SBSN: variants seen among roughly 807,000 people sequenced by gnomAD.
SBSN encodes suprabasin.
In SBSN, 33 loss-of-function variants were observed where a neutral mutation model predicts 42.8. The ratio of observed to expected loss-of-function variants is 0.77; its 90% CI spans 0.58 to 1.03. The LOEUF (loss-of-function observed/expected upper bound fraction) is 1.03, where lower values mean the gene tolerates loss of function less well. Ranked by LOEUF, SBSN falls within the 50% of genes least tolerant of loss-of-function variation. The pLI is 0.00. For missense variants in SBSN, 646 were observed against 757.3 expected, an observed-to-expected ratio of 0.85 and a Z score of 1.72; for synonymous variants, 276 against 307.0, an observed-to-expected ratio of 0.90 and a Z score of 1.06.
In SBSN at chr19:35,527,513, C is replaced by A. The variant is rs754321251; in HGVS notation, c.769G>T (p.Ala257Ser). The change falls in exon 1 of 4, where the codon GCA becomes TCA. Residue 257 changes from alanine to serine, a missense_variant. This residue lies in a region of SBSN where 220 missense variants were observed against 334.5 expected (regional missense o/e 0.66). Transcript: ENST00000452271. ...TGGACCCCCTGGCCAAATCTCCCTG[C>A]CTCATTTCCGGCCTGCCCCGCAGCA... is the stretch of plus-strand genomic sequence containing the variant. ...HHAAGQAGNE[A>S]GRFGQGVHHG... 2 of 1,530,822 alleles carry A rather than the reference C, an allele frequency of 1.3e-6. No individual in the cohort carries two copies. The highest frequency in any genetic ancestry group is 1.2e-5 in the South Asian group (1 of 82,730). 94.8% of individuals were successfully genotyped at this position (1,530,822 alleles called of 1,614,324 possible). A position where few individuals can be genotyped will look rare whatever the true frequency, so the allele number is the denominator to read the frequency against.
chr19:35,526,538 A>C, intron 1 of SBSN, 106 bp downstream of exon 1: 1 of 1,075,128 alleles, frequency 9.3e-7, no homozygotes, highest in Admixed American at 2.5e-5. Context: ...TTCTTTCACC[A>C]AACAAAGGCT....
chr19:35,526,885 A>G lies in SBSN; in HGVS notation c.1397T>C (p.Leu466Pro), dbSNP rs768834323. ...GTCTGCTTCCTTCCCGGCCTGTTCAAGGGTATGGTGAACTCCCTGGCCAAA... is the reference window on the plus strand; with the variant it reads ...GTCTGCTTCCTTCCCGGCCTGTTCAGGGGTATGGTGAACTCCCTGGCCAAA... ...GQFGQGVHHT[L>P]EQAGKEADKA... The change falls in exon 1 of 4, where the codon CTT becomes CCT. Residue 466 changes from leucine (L) to proline (P), a missense_variant. Coordinates refer to ENST00000452271, the MANE Select transcript of SBSN (RefSeq NM_001166034.2). 3.1e-6 allele frequency: 5 copies of G among 1,612,618 alleles called. No individual in the cohort carries two copies. Among genetic ancestry groups the G allele is most frequent in the Non-Finnish European group, 4.2e-6 (5 of 1,179,576 alleles).
intron 1 of SBSN, among the ~76,000 whole-genome samples, chr19:35,526,290 T>C (rs2071369061): frequency 6.6e-6 from 1 of 152,188 alleles, no homozygotes; most frequent in African/African-American, 2.4e-5. Context: ...CCCTTTGCAC[T>C]ATACTAGATC....
chr19:35,527,345 T>G lies in SBSN; in HGVS notation c.937A>C (p.Arg313=). The G allele has an allele frequency of 6.5e-7, 1 of 1,533,310 alleles. No homozygotes were observed. The highest frequency in any genetic ancestry group is 1.2e-5 in the South Asian group (1 of 84,438). The allele number at this position is 1,533,310 out of a possible 1,614,324, so 95.0% of individuals were successfully genotyped here. ...AAGQAGNEAG[R]FGQGAHHAAG... ...GCATGGTGGGCCCCCTGGCCAAATC[T>G]CCCTGCCTCATTTCCGGCCTGCCCC... Residue 313 remains arginine, a synonymous_variant, in exon 1 of 4, where the codon AGA becomes CGA. Transcript: ENST00000452271.
intron 3 of SBSN, 136 bp from the exon 4 acceptor site, chr19:35,523,669 T>G (rs1374825445): frequency 1.2e-6 from 1 of 857,092 alleles, no homozygotes; most frequent in African/African-American, 1.7e-5. Context: ...TGGGGAAGTT[T>G]CAGGAAGGTA....
chr19:35,524,545 C>G (rs1032133510), intron 3 of SBSN, among the ~76,000 whole-genome samples, 166 bp downstream of exon 3: 1 of 151,986 alleles, frequency 6.6e-6, no homozygotes, highest in Admixed American at 6.6e-5. Flanking sequence ...GGGGAGGGAG[C>G]AGGTGGAGAG....
In SBSN at chr19:35,527,019, C is replaced by T; in HGVS notation, c.1263G>A (p.Gln421=). 6.5e-7 allele frequency: 1 copy of T among 1,543,772 alleles called. No individual in the cohort carries two copies. Among genetic ancestry groups the T allele is most frequent in the Non-Finnish European group, 8.7e-7 (1 of 1,146,902 alleles). Residue 421 remains glutamine (Q), a synonymous_variant, in exon 1 of 4, where the codon CAG becomes CAA. Transcript: ENST00000452271. ...GVSQAGREAG[Q]FGHDIHHTAG... is the part of the protein sequence containing the mutation. ...CTGTGTGGTGAATGTCGTGGCCAAA[C>T]TGCCCCGCCTCCCTTCCAGCCTGAC...
In SBSN at chr19:35,528,261, G is replaced by T; in HGVS notation, c.21C>A (p.Val7=). The change falls in exon 1 of 4, where the codon GTC becomes GTA. Residue 7 remains valine, a synonymous_variant. Transcript: ENST00000452271. MHLARL[V]GSCSLLLLLG... Reference sequence around the variant, plus strand: ...GTAGCAGAAGGAGGGAGCAGGAGCCGACCAGACGTGCAAGATGCATATTGC... The same window carrying T: ...GTAGCAGAAGGAGGGAGCAGGAGCCTACCAGACGTGCAAGATGCATATTGC... The T allele has an allele frequency of 6.2e-7, 1 of 1,611,200 alleles. No homozygotes were observed. Among genetic ancestry groups the T allele is most frequent in the South Asian group, 1.1e-5 (1 of 90,784 alleles).
At chr19:35,524,607 G>T in intron 3 of SBSN, 104 bp downstream of exon 3, 2 of 1,236,768 alleles carry the variant, frequency 1.6e-6, no homozygotes, top group Non-Finnish European at 2.3e-6. Flanking sequence ...AGAGGCTGCA[G>T]GTCTGCCCGC....
At position 35,526,695 on chromosome 19, in the gene SBSN, A is replaced by T. The variant is rs1368659109; in HGVS notation, c.1587T>A (p.Asn529Lys). Residue 529 changes from asparagine to lysine, a missense_variant, in exon 1 of 4, where the codon AAT becomes AAA. Asn to Lys is a moderately conservative substitution (Grantham distance 94). Coordinates refer to ENST00000452271, the MANE Select transcript of SBSN (RefSeq NM_001166034.2). Reference protein sequence around the residue: ...AAGQAGKELQNAHNGVNQASK... With the variant: ...AAGQAGKELQKAHNGVNQASK... ...TGGCTTGGTTGACCCCATTATGAGC[A>T]TTCTGCAGCTCCTTCCCGGCCTGGC... 1 of 1,605,538 alleles carries T rather than the reference A, an allele frequency of 6.2e-7. No individual in the cohort carries two copies. The highest frequency in any genetic ancestry group is 1.7e-5 in the Admixed American group (1 of 59,148).
rs776063788 is a variant in SBSN at position 35,523,533 on chromosome 19, T to C, written c.1750A>G (p.Ser584Gly). The C allele has an allele frequency of 5.6e-6, 9 of 1,613,796 alleles. No individual in the cohort carries two copies. Among genetic ancestry groups the C allele is most frequent in the African/African-American group, 1.3e-5 (1 of 74,804 alleles). The change falls in exon 4 of 4, where the codon AGC (serine) becomes GGC (glycine). Residue 584 changes from serine (S) to glycine (G), a missense_variant and splice_region_variant. Ser to Gly is a moderately conservative substitution (Grantham distance 56, BLOSUM62 0). Transcript: ENST00000452271. ...GTTTAGGGCATGATGTTGGCGACGC[T>C]CTGGAAGAGAGAAGGAGAGCAGGGG... ...PFINLPALWR[S>G]VANIMP
intron 1 of SBSN, among the ~76,000 whole-genome samples, chr19:35,525,461 A>G (rs1291340967): frequency 1.2e-5 from 1 of 80,094 alleles, no homozygotes; most frequent in Admixed American, 1.5e-4. Flanking sequence ...GTTCCTCCCC[A>G]CCCACCCATC....
chr19:35,523,633 G>A, intron 3 of SBSN, 100 bp from the exon 4 acceptor site: 1 of 1,166,332 alleles, frequency 8.6e-7, no homozygotes, highest in South Asian at 1.2e-5. Context: ...AAGGGGACTG[G>A]CTGCTCTGGC....
rs528754977 is a variant in SBSN at position 35,527,048 on chromosome 19, C to G, written c.1234G>C (p.Val412Leu). 8 of 1,539,624 alleles carry G rather than the reference C, an allele frequency of 5.2e-6. No individual in the cohort carries two copies. The highest frequency in any genetic ancestry group is 7.0e-6 in the Non-Finnish European group (8 of 1,146,958). ...DRVVQGLHHGVSQAGREAGQF... is the reference protein window; with the variant it reads ...DRVVQGLHHGLSQAGREAGQF... The stretch of plus-strand genomic sequence containing the variant: ...CCCGCCTCCCTTCCAGCCTGACTAA[C>G]GCCATGATGGAGGCCTTGGACCACT... The change falls in exon 1 of 4, where the codon GTT becomes CTT. Residue 412 changes from valine (V) to leucine (L), a missense_variant. Coordinates refer to ENST00000452271, the MANE Select transcript of SBSN (RefSeq NM_001166034.2).
At position 35,527,720 on chromosome 19, in the gene SBSN, ACCTCC is replaced by A; in HGVS notation, c.557_561del (p.Gly186ValfsTer15). 6.5e-6 allele frequency: 10 copies of A among 1,530,526 alleles called. No individual in the cohort carries two copies. Among genetic ancestry groups the A allele is most frequent in the Admixed American group, 2.0e-5 (1 of 51,146 alleles). 94.8% of individuals were successfully genotyped at this position (1,530,526 alleles called of 1,614,324 possible). A position where few individuals can be genotyped will look rare whatever the true frequency, so the allele number is the denominator to read the frequency against. ...GCAGCATGGTGGACTCCCTGGCCAAACCTCCCAGCCTCATTTCCGGCCTGCCCTGC... is the reference window on the plus strand; with the variant it reads ...GCAGCATGGTGGACTCCCTGGCCAAACAGCCTCATTTCCGGCCTGCCCTGC... On this transcript the variant is annotated frameshift_variant, in exon 1 of 4. Coordinates refer to ENST00000452271, the MANE Select transcript of SBSN (RefSeq NM_001166034.2). LOFTEE classifies it high-confidence loss of function.
Position 35,523,420 on chromosome 19 carries a change from GAAACCT to G in SBSN, c.*84_*89del. 7.6e-7 allele frequency: 1 copy of G among 1,322,034 alleles called. No individual in the cohort carries two copies. The highest frequency in any genetic ancestry group is 1.2e-5 in the South Asian group (1 of 84,964). 81.9% of individuals were successfully genotyped at this position (1,322,034 alleles called of 1,614,324 possible). On this transcript the variant is annotated 3_prime_UTR_variant, in exon 4 of 4. Coordinates refer to ENST00000452271, the MANE Select transcript of SBSN (RefSeq NM_001166034.2). ...AGTACAACCCCCTTCAGGGATTTCA[GAAACCT>G]GTCCCCCACCCCCAACCCCTCCAGG...
chr19:35,524,463 G>A (rs564706724), intron 3 of SBSN, among the ~76,000 whole-genome samples: 3 of 152,102 alleles, frequency 2.0e-5, no homozygotes, highest in African/African-American at 7.2e-5. Context: ...GGGCCTGGGA[G>A]GTCTTTTCTG....
chr19:35,526,597 C>T (rs775311389), intron 1 of SBSN, 47 bp downstream of exon 1: 2 of 744,372 alleles, frequency 2.7e-6, no homozygotes, highest in South Asian at 3.6e-5. Context: ...TAACCTTTCC[C>T]TCCCCCAACC....
chr19:35,527,768 G>T lies in SBSN; in HGVS notation c.514C>A (p.Gln172Lys), dbSNP rs138130559. ...TGCCCTGCAGCATGGTGGACTCCCTGGCCAAACCTCCCAGCCTCATTTCCA... is the reference window on the plus strand; with the variant it reads ...TGCCCTGCAGCATGGTGGACTCCCTTGCCAAACCTCCCAGCCTCATTTCCA... ...QAGNEAGRFG[Q>K]GVHHAAGQAG... The change falls in exon 1 of 4, where the codon CAG becomes AAG. Residue 172 changes from glutamine (Q) to lysine (K), a missense_variant. Physicochemically the swap from Gln to Lys is moderately conservative, Grantham distance 53. Coordinates refer to ENST00000452271, the MANE Select transcript of SBSN (RefSeq NM_001166034.2). The T allele has an allele frequency of 2.0e-3, 3,221 of 1,585,094 alleles. 87 individuals carry two copies. In the African/African-American group the frequency reaches 0.04, roughly 20 times the overall value.
Sources: allele counts gnomAD v4.1 joint callset (sites outside exome capture counted in the v4.1 genomes callset), GRCh38; gene constraint gnomAD v4.1.1; regional missense constraint gnomAD v4.1.1; transcripts MANE v1.5; gene names NCBI Gene and HGNC (gene_info 2026-07-23, HGNC 2026-07-21).